CREB5: variants seen among roughly 807,000 people sequenced by gnomAD.
CREB5 encodes the protein cyclic AMP-responsive element-binding protein 5.
CREB5 carries 19 observed loss-of-function variants against 57.1 expected under a neutral mutation model. That is an observed-to-expected ratio of 0.33 (90% CI 0.23 to 0.49). The LOEUF is 0.49. Ranked by LOEUF, CREB5 falls within the 20% of genes least tolerant of loss-of-function variation. The pLI, the probability that CREB5 is intolerant of heterozygous loss-of-function variation, is 0.99. For missense variants in CREB5, 579 were observed against 671.6 expected (o/e 0.86, Z 1.52); for synonymous variants, 238 against 238.3 (o/e 1.00, Z 0.01).
At chr7:28,536,193 G>C (rs749707905) in intron 4 of CREB5, among the ~76,000 whole-genome samples, 1 of 152,166 alleles carries the variant, frequency 6.6e-6, no homozygotes, top group Non-Finnish European at 1.5e-5. Flanking sequence ...GTACACGAAG[G>C]GGGATGCTGT....
chr7:28,785,578 T>C (rs1321755442), intron 7 of CREB5, among the ~76,000 whole-genome samples: 1 of 152,220 alleles, frequency 6.6e-6, no homozygotes, highest in Non-Finnish European at 1.5e-5. Context: ...AAGTCAGACC[T>C]TGACCACTAT....
intron 5 of CREB5, among the ~76,000 whole-genome samples, chr7:28,611,750 A>G (rs766878868): frequency 2.4e-4 from 36 of 151,606 alleles, no homozygotes; most frequent in Non-Finnish European, 2.5e-4. Flanking sequence ...TGGGGTGAAG[A>G]AGGGGTTAAC....
At chr7:28,693,548 T>C (rs1583560917) in intron 5 of CREB5, among the ~76,000 whole-genome samples, 2 of 151,728 alleles carry the variant, frequency 1.3e-5, no homozygotes, top group South Asian at 2.1e-4. Context: ...AAAAAATGTC[T>C]GCAAAACAAG....
intron 4 of CREB5, among the ~76,000 whole-genome samples, chr7:28,565,658 G>A (rs921963857): frequency 2.0e-5 from 3 of 152,134 alleles, no homozygotes; most frequent in Non-Finnish European, 4.4e-5. Context: ...GCTGGGTGCC[G>A]TGGTTCATGC....
At chr7:28,612,946 C>T (rs773054828) in intron 5 of CREB5, among the ~76,000 whole-genome samples, 38 of 152,072 alleles carry the variant, frequency 2.5e-4, no homozygotes, top group Non-Finnish European at 4.4e-4. Context: ...AAAATTTTGG[C>T]CACTTTAATT....
intron 5 of CREB5, among the ~76,000 whole-genome samples, chr7:28,642,987 T>TACACACATACACACAC (rs1562544746): frequency 0.011 from 1,044 of 98,348 alleles, 9 homozygotes; most frequent in African/African-American, 0.02. Context: ...CACACACACA[T>TACACACATACACACAC]ACACACACAC....
At chr7:28,300,267 C>A (rs1417461158) in intron 1 of CREB5, among the ~76,000 whole-genome samples, 5 of 152,038 alleles carry the variant, frequency 3.3e-5, no homozygotes, top group African/African-American at 1.2e-4. Context: ...CATTTACACA[C>A]TGACTGAATG....
chr7:28,481,101 G>C (rs1791309073), intron 1 of CREB5, among the ~76,000 whole-genome samples: 1 of 152,224 alleles, frequency 6.6e-6, no homozygotes, highest in African/African-American at 2.4e-5. Flanking sequence ...GAGAGGACGT[G>C]AGCCCCCAGC....
At chr7:28,620,221 CT>C (rs1327486912) in intron 5 of CREB5, among the ~76,000 whole-genome samples, 2 of 152,122 alleles carry the variant, frequency 1.3e-5, no homozygotes, top group African/African-American at 4.8e-5. Flanking sequence ...ATTTATTTCA[CT>C]TTGTTCTTGT....
intron 1 of CREB5, among the ~76,000 whole-genome samples, chr7:28,303,770 G>T (rs567324009): frequency 1.3e-5 from 2 of 152,232 alleles, no homozygotes; most frequent in East Asian, 3.9e-4. Flanking sequence ...TTAACTTAAT[G>T]TTATTGCAGA....
chr7:28,325,118 C>T (rs1405681785), intron 1 of CREB5, among the ~76,000 whole-genome samples: 1 of 152,170 alleles, frequency 6.6e-6, no homozygotes, highest in East Asian at 1.9e-4. Flanking sequence ...TACACTTATA[C>T]ACTTATAGTC....
intron 4 of CREB5, among the ~76,000 whole-genome samples, chr7:28,560,803 T>TGTGCGTGTGTGTGCGTGCGC (rs1795060307): frequency 8.6e-5 from 5 of 58,378 alleles, no homozygotes; most frequent in African/African-American, 2.1e-4. Context: ...CCACAGTGTG[T>TGTGCGTGTGTGTGCGTGCGC]GTGCGCGTGT....
chr7:28,653,582 G>T (rs972206505), intron 5 of CREB5, among the ~76,000 whole-genome samples: 1 of 152,152 alleles, frequency 6.6e-6, no homozygotes, highest in Non-Finnish European at 1.5e-5. Flanking sequence ...TACCTGTCAG[G>T]TATAATAATT....
chr7:28,557,024 G>GCTGTTTGAGTGCAATTTTAACAATACTGA (rs1554343346), intron 4 of CREB5, among the ~76,000 whole-genome samples: 1 of 149,382 alleles, frequency 6.7e-6, no homozygotes, highest in South Asian at 2.1e-4. Context: ...TGTAGGCCTA[G>GCTGTTTGAGTGCAATTTTAACAATACTGA]GGATACTAAC....
chr7:28,807,783 G>A lies in CREB5; in HGVS notation c.1027-1404G>A, dbSNP rs182337354. ...CATAAACCTGAGTGACTAAGAAATG[G>A]GAGAGGAAAAAAAAAAACACCTTTT... On this transcript the variant is annotated intron_variant, in intron 8 of 10. Coordinates refer to ENST00000357727, the MANE Select transcript of CREB5 (RefSeq NM_182898.4). Among the ~76,000 whole-genome samples the A allele has an allele frequency of 9.7e-4, 148 of 152,012 alleles. 2 individuals carry two copies. Among genetic ancestry groups the A allele is most frequent in the Admixed American group, 9.7e-3 (148 of 15,294 alleles).
At chr7:28,804,701 T>C (rs1808605520) in intron 8 of CREB5, among the ~76,000 whole-genome samples, 179 bp downstream of exon 8, 1 of 152,186 alleles carries the variant, frequency 6.6e-6, no homozygotes, top group South Asian at 2.1e-4. Flanking sequence ...TACCAGATCA[T>C]AATTTCTATA....
At chr7:28,709,520 G>A (rs917430544) in intron 5 of CREB5, among the ~76,000 whole-genome samples, 1 of 151,922 alleles carries the variant, frequency 6.6e-6, no homozygotes, top group African/African-American at 2.4e-5. Context: ...TCCTATTACT[G>A]CTCTCTGTGT....
chr7:28,343,361 C>T (rs981615128), intron 1 of CREB5, among the ~76,000 whole-genome samples: 7 of 152,142 alleles, frequency 4.6e-5, no homozygotes, highest in Non-Finnish European at 4.4e-5. Context: ...TTATGCTATC[C>T]CCAGACCCTG....
intron 1 of CREB5, among the ~76,000 whole-genome samples, chr7:28,299,954 T>C (rs1785071072): frequency 6.6e-6 from 1 of 152,242 alleles, no homozygotes; most frequent in African/African-American, 2.4e-5. Flanking sequence ...TTAAATGTAA[T>C]TATTCAGTCA....
Sources: gnomAD v4.1 joint callset for allele counts (sites outside exome capture counted in the v4.1 genomes callset) on GRCh38, gnomAD v4.1.1 for gene constraint, MANE v1.5 for transcripts, NCBI Gene and HGNC (gene_info 2026-07-23, HGNC 2026-07-21) for gene names.